Variants in ZNF248 observed in about 807,000 individuals in gnomAD.
The protein encoded by ZNF248 is zinc finger protein 248, also known as KRAB protein domain.
In ZNF248, 20 loss-of-function variants were observed where a neutral mutation model predicts 44.3. That is an observed-to-expected ratio of 0.45 (90% CI 0.32 to 0.66). The LOEUF (loss-of-function observed/expected upper bound fraction) is 0.66. Ranked by LOEUF, ZNF248 falls within the 30% of genes least tolerant of loss-of-function variation. The pLI, the probability that ZNF248 is intolerant of heterozygous loss-of-function variation, is 0.04. For synonymous variants in ZNF248, 224 were observed against 229.0 expected (o/e 0.98, Z 0.20); for missense variants, 654 against 677.0 (o/e 0.97, Z 0.38).
At chr10:37,826,590 G>A (rs1202715420), downstream of ZNF248, among the ~76,000 whole-genome samples, 1 of 152,100 alleles carries the variant, frequency 6.6e-6, no homozygotes, top group African/African-American at 2.4e-5. Flanking sequence ...ATTTTTAACT[G>A]TAATAATGTC....
chr10:37,823,180 A>G (rs2053752066), intron 6 of ZNF248, among the ~76,000 whole-genome samples: 1 of 151,698 alleles, frequency 6.6e-6, no homozygotes, highest in Admixed American at 6.6e-5. Context: ...CTAAAAATAC[A>G]AAAATTAGCT....
intron 6 of ZNF248, among the ~76,000 whole-genome samples, chr10:37,813,014 T>C (rs2051785645): frequency 7.7e-6 from 1 of 130,060 alleles, no homozygotes; most frequent in Admixed American, 8.0e-5. Context: ...AGATCGTGGA[T>C]ATGGCAAAAA....
chr10:37,838,127 CT>C lies in ZNF248; in HGVS notation c.16-17del, dbSNP rs527714605. On this transcript the variant is annotated splice_polypyrimidine_tract_variant and intron_variant, in intron 3 of 5. Coordinates refer to ENST00000395867, the MANE Select transcript of ZNF248 (RefSeq NM_021045.3). ...ACACTTGTTCCTGTAATAGTATACT[CT>C]TTTTACATGAAATGGTCAGAACTAG... 223 of 1,602,914 alleles carry C rather than the reference CT, an allele frequency of 1.4e-4. 2 individuals are homozygous for C. Among genetic ancestry groups the C allele is most frequent in the South Asian group, 1.2e-3 (107 of 90,156 alleles).
chr10:37,759,856 G>A, the ZNF248 span, among the ~76,000 whole-genome samples: 4 of 152,246 alleles, frequency 2.6e-5, no homozygotes, highest in Non-Finnish European at 5.9e-5. Context: ...ACCTGGAGAT[G>A]CATCGGTGTC....
intron 3 of ZNF248, among the ~76,000 whole-genome samples, chr10:37,845,702 T>C (rs1445265548): frequency 6.6e-6 from 1 of 151,768 alleles, no homozygotes; most frequent in Non-Finnish European, 1.5e-5. Flanking sequence ...ACTAGAACTA[T>C]GAAAAGGCAG....
At chr10:37,793,746 T>G (rs1199154370) in intron 6 of ZNF248, among the ~76,000 whole-genome samples, 1 of 152,216 alleles carries the variant, frequency 6.6e-6, no homozygotes, top group Non-Finnish European at 1.5e-5. Flanking sequence ...ATCATTAAAC[T>G]TATCCAAATT....
At chr10:37,827,338 T>C (rs2054533850), downstream of ZNF248, among the ~76,000 whole-genome samples, 1 of 152,158 alleles carries the variant, frequency 6.6e-6, no homozygotes, top group East Asian at 1.9e-4. Context: ...GGCCCACTTT[T>C]GTAGAGAGGA....
intron 6 of ZNF248, among the ~76,000 whole-genome samples, chr10:37,822,235 C>T (rs1239658902): frequency 2.0e-5 from 3 of 152,316 alleles, no homozygotes; most frequent in African/African-American, 4.8e-5. Flanking sequence ...TCTTAAATAA[C>T]AGCCTTGTCT....
intron 6 of ZNF248, among the ~76,000 whole-genome samples, chr10:37,814,094 T>G (rs1203284999): frequency 6.6e-6 from 1 of 152,200 alleles, no homozygotes; most frequent in Non-Finnish European, 1.5e-5. Flanking sequence ...TTGTCCCTCA[T>G]TTCCTGAATT....
Position 37,829,253 on chromosome 10 carries a change from C to T in ZNF248, c.*2362G>A, listed in dbSNP as rs1468446553. Reference sequence around the variant, plus strand: ...TGGGCTCTGGTAACACTGTTTCCCTCCTTGCCCTTCAAGGCTCAGAATGGC... The same window carrying T: ...TGGGCTCTGGTAACACTGTTTCCCTTCTTGCCCTTCAAGGCTCAGAATGGC... On this transcript the variant is annotated 3_prime_UTR_variant, in exon 6 of 6. Transcript: ENST00000395867. 7 of 985,506 alleles carry T rather than the reference C, an allele frequency of 7.1e-6. No homozygotes were observed. The highest frequency in any genetic ancestry group is 1.0e-3 in the Middle Eastern group (2 of 1,914). 61.0% of individuals were successfully genotyped at this position (985,506 alleles called of 1,614,324 possible). A position where few individuals can be genotyped will look rare whatever the true frequency, so the allele number is the denominator to read the frequency against.
At chr10:37,771,987 C>T (rs901950631), downstream of ZNF248, among the ~76,000 whole-genome samples, 6 of 152,126 alleles carry the variant, frequency 3.9e-5, no homozygotes, top group African/African-American at 9.7e-5. Context: ...GTAAAGGAGG[C>T]CGGCTGCAGT....
chr10:37,828,572 A>G (rs1189069867), downstream of ZNF248, among the ~76,000 whole-genome samples: 1 of 152,230 alleles, frequency 6.6e-6, no homozygotes, highest in Non-Finnish European at 1.5e-5. Flanking sequence ...TGTGGAGGAC[A>G]TGAAGACACA....
chr10:37,785,878 A>C (rs1311338473), intron 6 of ZNF248, among the ~76,000 whole-genome samples: 1 of 152,258 alleles, frequency 6.6e-6, no homozygotes, highest in Non-Finnish European at 1.5e-5. Flanking sequence ...GGAGCCAAGG[A>C]GGTCTTGTAA....
chr10:37,815,075 C>CT (rs1218744672), intron 6 of ZNF248, among the ~76,000 whole-genome samples: 2 of 150,932 alleles, frequency 1.3e-5, no homozygotes, highest in Admixed American at 6.6e-5. Context: ...TTTTTTCAGA[C>CT]TTTTTTTTTG....
intron 6 of ZNF248, chr10:37,819,968 T>G: frequency 1.3e-6 from 1 of 768,614 alleles, no homozygotes; most frequent in Non-Finnish European, 2.4e-6. Flanking sequence ...CGGCCCCATC[T>G]CAAGCGGTCT....
At chr10:37,805,423 T>A (rs985006267) in intron 6 of ZNF248, among the ~76,000 whole-genome samples, 7 of 152,214 alleles carry the variant, frequency 4.6e-5, no homozygotes, top group African/African-American at 1.7e-4. Flanking sequence ...AAATATATGA[T>A]ATATACTAAA....
At chr10:37,804,440 A>C (rs1325944328) in intron 6 of ZNF248, among the ~76,000 whole-genome samples, 1 of 147,718 alleles carries the variant, frequency 6.8e-6, no homozygotes, top group Non-Finnish European at 1.5e-5. Flanking sequence ...GTATTTATTT[A>C]TTTCTTTATT....
At chr10:37,762,764 C>T in the ZNF248 span, among the ~76,000 whole-genome samples, 5 of 152,100 alleles carry the variant, frequency 3.3e-5, no homozygotes, top group South Asian at 4.1e-4. Context: ...TTGGCACACT[C>T]GAGGCTTCCC....
chr10:37,816,685 T>C (rs1025669752), intron 6 of ZNF248, among the ~76,000 whole-genome samples: 1 of 152,190 alleles, frequency 6.6e-6, no homozygotes, highest in Non-Finnish European at 1.5e-5. Context: ...AGATTTGACC[T>C]TTCCTGTACA....
Sources: allele counts gnomAD v4.1 joint callset (sites outside exome capture counted in the v4.1 genomes callset), GRCh38; gene constraint gnomAD v4.1.1; transcripts MANE v1.5; gene names NCBI Gene and HGNC (gene_info 2026-07-23, HGNC 2026-07-21).